Variants in PTGER3 observed in about 807,000 individuals in gnomAD.
PTGER3 encodes the protein prostaglandin E2 receptor EP3 subtype.
A neutral mutation model predicts 34.7 loss-of-function variants in PTGER3; 22 were observed. The observed-to-expected ratio is 0.63, with a 90% CI of 0.45 to 0.91. The LOEUF is 0.91. Among genes scored for constraint, PTGER3 ranks in the 40% least tolerant of loss-of-function variants. PTGER3 has a pLI of 0.00. For missense variants in PTGER3, 468 were observed against 519.4 expected (o/e 0.90, Z 0.96); for synonymous variants, 241 against 230.1 (o/e 1.05, Z -0.43).
intron 4 of PTGER3, among the ~76,000 whole-genome samples, chr1:70,927,009 C>T (rs1179715408): frequency 2.0e-5 from 3 of 152,242 alleles, no homozygotes; most frequent in Admixed American, 1.3e-4. Context: ...ATTGAACCAT[C>T]CTTGCATCTC....
intron 4 of PTGER3, among the ~76,000 whole-genome samples, chr1:70,921,045 TATC>T (rs1202783272): frequency 1.3e-5 from 2 of 152,182 alleles, no homozygotes; most frequent in African/African-American, 4.8e-5. Context: ...TGTTCACACA[TATC>T]ATCATTTACA....
At chr1:71,011,473 C>T (rs1169142452) in intron 2 of PTGER3, 4 of 985,158 alleles carry the variant, frequency 4.1e-6, no homozygotes, top group East Asian at 1.1e-4. Flanking sequence ...AACCACTTCA[C>T]GACTCTCATA....
At chr1:71,026,252 A>C (rs1314070046) in intron 1 of PTGER3, among the ~76,000 whole-genome samples, 1 of 152,190 alleles carries the variant, frequency 6.6e-6, no homozygotes, top group East Asian at 1.9e-4. Context: ...TAATACTCAC[A>C]GTCCCTGACC....
chr1:70,892,860 G>GA (rs1313371785), intron 4 of PTGER3, among the ~76,000 whole-genome samples: 1 of 144,494 alleles, frequency 6.9e-6, no homozygotes, highest in Non-Finnish European at 1.5e-5. Flanking sequence ...AAAAAAGAAA[G>GA]AAAAAAAAGA....
At chr1:70,926,884 A>G (rs1648145914) in intron 4 of PTGER3, among the ~76,000 whole-genome samples, 4 of 151,966 alleles carry the variant, frequency 2.6e-5, no homozygotes, top group African/African-American at 7.3e-5. Flanking sequence ...AGAGTTTTTA[A>G]CATGAAGCGT....
chr1:70,953,140 T>C (rs1572742906), intron 3 of PTGER3: 1 of 1,205,594 alleles, frequency 8.3e-7, no homozygotes, highest in East Asian at 2.6e-5. Context: ...AATAAAAAGG[T>C]GATACAGTAT....
intron 1 of PTGER3, 49 bp downstream of exon 1, chr1:71,046,632 G>T (rs371015154): frequency 2.1e-5 from 31 of 1,501,754 alleles, no homozygotes; most frequent in Middle Eastern, 1.8e-4. Flanking sequence ...TTAGGTTCCC[G>T]CTTACTCGCA....
chr1:70,910,437 C>T (rs1368744323), intron 4 of PTGER3, among the ~76,000 whole-genome samples: 1 of 152,118 alleles, frequency 6.6e-6, no homozygotes, highest in Non-Finnish European at 1.5e-5. Context: ...TGGAGTCTCA[C>T]TCTGTCAGTC....
intron 2 of PTGER3, among the ~76,000 whole-genome samples, chr1:70,954,625 A>G (rs1458275557): frequency 6.6e-6 from 1 of 152,202 alleles, no homozygotes; most frequent in Non-Finnish European, 1.5e-5. Flanking sequence ...AAGAGTCTAT[A>G]TTCCAAAACC....
At chr1:71,011,863 A>G in intron 2 of PTGER3, 10 of 1,032,740 alleles carry the variant, frequency 9.7e-6, no homozygotes, top group Non-Finnish European at 1.2e-5. Context: ...TCAATGATGT[A>G]TGTGGTTAAA....
intron 2 of PTGER3, chr1:71,006,572 G>T (rs1406867061): frequency 1.0e-6 from 1 of 981,822 alleles, no homozygotes. Context: ...AATGCACTCT[G>T]TGTTAAGAAC....
chr1:70,900,337 A>G (rs1646809296), intron 4 of PTGER3, among the ~76,000 whole-genome samples: 1 of 151,904 alleles, frequency 6.6e-6, no homozygotes, highest in Non-Finnish European at 1.5e-5. Flanking sequence ...CTTACTATGT[A>G]TACAATAGGG....
intron 4 of PTGER3, among the ~76,000 whole-genome samples, chr1:70,909,004 G>C (rs950686704): frequency 1.3e-5 from 2 of 152,102 alleles, no homozygotes; most frequent in African/African-American, 4.8e-5. Flanking sequence ...CTGCTTTCAA[G>C]GCCCATCCAC....
rs181043863 is a variant in PTGER3, at chr1:70,888,084, C to T, written c.*24-35225G>A. Among the ~76,000 whole-genome samples the T allele has an allele frequency of 2.5e-3, 386 of 152,308 alleles. 2 individuals carry two copies. The highest frequency in any genetic ancestry group is 2.4e-3 in the Non-Finnish European group (160 of 68,026). ...AATCAGCATAAGAGTACCATGTACA[C>T]TAGCAAGCTTTCTCCTGGCTTTTCT... is the stretch of plus-strand genomic sequence containing the variant. On this transcript the variant is annotated intron_variant, in intron 4 of 4. Coordinates refer to the PTGER3 transcript ENST00000370931.
chr1:70,954,742 T>C (rs1324233542), intron 2 of PTGER3, among the ~76,000 whole-genome samples: 1 of 152,180 alleles, frequency 6.6e-6, no homozygotes. Context: ...CATTTTGCTA[T>C]CATGTAATAC....
intron 4 of PTGER3, among the ~76,000 whole-genome samples, chr1:70,935,862 A>T (rs1649173745): frequency 6.6e-6 from 1 of 151,928 alleles, no homozygotes; most frequent in African/African-American, 2.4e-5. Flanking sequence ...TAGGTCTTAG[A>T]TTTTACCAAG....
chr1:70,928,386 C>A (rs1401614772), intron 4 of PTGER3, among the ~76,000 whole-genome samples: 2 of 151,450 alleles, frequency 1.3e-5, no homozygotes, highest in Non-Finnish European at 2.9e-5. Context: ...ACAATCCCAA[C>A]TCTTTGGGAG....
intron 1 of PTGER3, among the ~76,000 whole-genome samples, chr1:71,045,835 A>G (rs1005748): frequency 0.92 from 139,566 of 151,982 alleles, 64,214 homozygotes; most frequent in African/African-American, 0.97. Context: ...CCATGGCGAA[A>G]GGCTGAGGAG....
Position 71,008,969 on chromosome 1 carries a change from CA to C in PTGER3, c.1077+3335del, listed in dbSNP as rs1657208060. On this transcript the variant is annotated intron_variant, in intron 2 of 3. Coordinates refer to ENST00000306666, the MANE Select transcript of PTGER3 (RefSeq NM_198719.2). Reference sequence around the variant, plus strand: ...ATTATGAAAATAAATAGATATTATGCATGTCTAAAATTTCAAAGAACAAAAG... The same window carrying C: ...ATTATGAAAATAAATAGATATTATGCTGTCTAAAATTTCAAAGAACAAAAG... The C allele has an allele frequency of 6.1e-6, 6 of 982,462 alleles. No homozygotes were observed. The South Asian group carries it at 2.8e-4, about 46-fold the overall frequency. The allele number at this position is 982,462 out of a possible 1,614,324, so 60.9% of individuals were successfully genotyped here. A position where few individuals can be genotyped will look rare whatever the true frequency, so the allele number is the denominator to read the frequency against.
Sources: gnomAD v4.1 joint callset for allele counts (sites outside exome capture counted in the v4.1 genomes callset) on GRCh38, gnomAD v4.1.1 for gene constraint, MANE v1.5 for transcripts, NCBI Gene and HGNC (gene_info 2026-07-23, HGNC 2026-07-21) for gene names.